Variants in RFX7 observed in about 807,000 individuals in gnomAD.
RFX7 encodes DNA-binding protein RFX7.
A neutral mutation model predicts 111.8 loss-of-function variants in RFX7; 26 were observed. That is an observed-to-expected ratio of 0.23 (90% confidence interval 0.17 to 0.32). RFX7 has a LOEUF of 0.32. Ranked by LOEUF, RFX7 falls within the 10% of genes least tolerant of loss-of-function variation. RFX7 has a pLI of 1.00. For synonymous variants in RFX7, 624 were observed against 624.4 expected (o/e 1.00, Z 0.01); for missense variants, 1,573 against 1,772.9 (o/e 0.89, Z 2.02).
intron 2 of RFX7, among the ~76,000 whole-genome samples, chr15:56,197,054 T>C (rs1292641168): frequency 2.0e-5 from 3 of 152,172 alleles, no homozygotes; most frequent in African/African-American, 4.8e-5. Flanking sequence ...CTCTCCAAAA[T>C]TGGTAATGAC....
intron 2 of RFX7, among the ~76,000 whole-genome samples, chr15:56,226,032 G>A (rs2043480098): frequency 1.3e-5 from 2 of 152,084 alleles, no homozygotes; most frequent in South Asian, 4.2e-4. Flanking sequence ...AAGAACAAGA[G>A]AGGAAAAACA....
intron 3 of RFX7, among the ~76,000 whole-genome samples, chr15:56,147,786 G>C (rs1217558144): frequency 2.0e-5 from 3 of 152,126 alleles, no homozygotes; most frequent in African/African-American, 7.2e-5. Context: ...TGTTAGCGAG[G>C]ATGGTCTCGA....
At chr15:56,180,959 A>G (rs538919199) in intron 2 of RFX7, among the ~76,000 whole-genome samples, 16 of 152,080 alleles carry the variant, frequency 1.1e-4, no homozygotes, top group Non-Finnish European at 2.2e-4. Flanking sequence ...TTTCTTGTCT[A>G]AGGTGTTACA....
intron 2 of RFX7, among the ~76,000 whole-genome samples, chr15:56,197,019 T>G (rs538464179): frequency 1.3e-5 from 2 of 152,144 alleles, no homozygotes; most frequent in African/African-American, 4.8e-5. Context: ...CCATCAGCTG[T>G]GTATAAGACT....
At chr15:56,121,563 C>A (rs1439375675) in intron 5 of RFX7, among the ~76,000 whole-genome samples, 1 of 152,084 alleles carries the variant, frequency 6.6e-6, no homozygotes, top group Non-Finnish European at 1.5e-5. Context: ...ATATTGATAT[C>A]TCTCTCTAGG....
chr15:56,186,235 G>A lies in RFX7; in HGVS notation c.162-6932C>T, dbSNP rs116471403. On this transcript the variant is annotated intron_variant, in intron 2 of 9. Transcript: ENST00000559447. ...TTCACAGGTAAAAATCTCTCTTCAG[G>A]TTCTATGCTTTAGTTCATCAGTTCC... Among the ~76,000 whole-genome samples the A allele has an allele frequency of 2.2e-3, 328 of 152,156 alleles. 1 individual carries two copies. Among genetic ancestry groups the A allele is most frequent in the African/African-American group, 5.6e-3 (234 of 41,496 alleles).
At chr15:56,202,640 CA>C (rs554952369) in intron 2 of RFX7, among the ~76,000 whole-genome samples, 1 of 151,712 alleles carries the variant, frequency 6.6e-6, no homozygotes, top group Admixed American at 6.6e-5. Context: ...CCTACCTCTA[CA>C]AAAAAAATAA....
intron 2 of RFX7, among the ~76,000 whole-genome samples, chr15:56,209,943 A>G (rs2043294317): frequency 6.6e-6 from 1 of 152,116 alleles, no homozygotes; most frequent in South Asian, 2.1e-4. Flanking sequence ...GACGATAAAT[A>G]GAAAATAACA....
At chr15:56,228,616 A>C (rs182496923) in intron 2 of RFX7, among the ~76,000 whole-genome samples, 1 of 152,324 alleles carries the variant, frequency 6.6e-6, no homozygotes, top group East Asian at 1.9e-4. Context: ...AATTACTGAC[A>C]CTAAAGATTT....
At chr15:56,214,841 A>C (rs754157884) in intron 2 of RFX7, among the ~76,000 whole-genome samples, 1 of 152,232 alleles carries the variant, frequency 6.6e-6, no homozygotes, top group Non-Finnish European at 1.5e-5. Context: ...ACAGAAATGC[A>C]AATGACTTTT....
intron 2 of RFX7, among the ~76,000 whole-genome samples, chr15:56,182,284 C>A (rs1462014643): frequency 6.6e-6 from 1 of 151,956 alleles, no homozygotes; most frequent in Non-Finnish European, 1.5e-5. Flanking sequence ...TGGTTGGGGA[C>A]TGCTGTTTTA....
intron 5 of RFX7, among the ~76,000 whole-genome samples, chr15:56,122,745 C>T (rs1045120095): frequency 2.2e-5 from 2 of 92,294 alleles, no homozygotes; most frequent in African/African-American, 7.8e-5. Context: ...ACCCAAACCA[C>T]AAGACAGTCC....
chr15:56,095,386 C>T lies in RFX7; in HGVS notation c.2342G>A (p.Gly781Glu), dbSNP rs756318123. 2 of 1,613,622 alleles carry T rather than the reference C, an allele frequency of 1.2e-6. No individual in the cohort carries two copies. Among genetic ancestry groups the T allele is most frequent in the Non-Finnish European group, 1.7e-6 (2 of 1,179,882 alleles). The change falls in exon 10 of 10, where the codon GGA becomes GAA. Residue 781 changes from glycine (G) to glutamate (E), a missense_variant. Physicochemically the swap from Gly to Glu is moderately conservative, Grantham distance 98. Coordinates refer to ENST00000559447, the MANE Select transcript of RFX7 (RefSeq NM_022841.7). Reference protein sequence around the residue: ...SKSVGSFNPNGWQQITKDSEF... With the variant: ...SKSVGSFNPNEWQQITKDSEF... ...AGAATCTTTAGTGATTTGTTGCCATCCATTTGGATTAAAGCTGCCAACTGA... is the reference window on the plus strand; with the variant it reads ...AGAATCTTTAGTGATTTGTTGCCATTCATTTGGATTAAAGCTGCCAACTGA...
At chr15:56,128,585 C>G (rs80054416) in intron 5 of RFX7, among the ~76,000 whole-genome samples, 5,018 of 151,946 alleles carry the variant, frequency 0.033, 307 homozygotes, top group African/African-American at 0.11. Flanking sequence ...CGATAAAAAC[C>G]CACAGATAAT....
intron 3 of RFX7, among the ~76,000 whole-genome samples, chr15:56,148,601 G>A (rs575736726): frequency 6.6e-6 from 1 of 152,150 alleles, no homozygotes; most frequent in African/African-American, 2.4e-5. Context: ...ACTGACATAA[G>A]AACTAGTAAC....
At chr15:56,244,684 T>A (rs1393084661), upstream of RFX7, among the ~76,000 whole-genome samples, 1 of 147,746 alleles carries the variant, frequency 6.8e-6, no homozygotes, top group Admixed American at 7.0e-5. Flanking sequence ...TCAGGGTCCC[T>A]GCAGCCAAGG....
rs763523704 is a variant in RFX7, at chr15:56,243,195, G to A, written c.91C>T (p.Pro31Ser). The change falls in exon 2 of 10, where the codon CCA becomes TCA. Residue 31 changes from proline (P) to serine (S), a missense_variant. Around this residue, in one of 7 missense-constraint regions of RFX7, gnomAD observed 191 missense variants for 194.2 expected, o/e 0.98. Coordinates refer to ENST00000559447, the MANE Select transcript of RFX7 (RefSeq NM_022841.7). ...PSAPNSGVALPALVPGLPGTE... is the reference protein window; with the variant it reads ...PSAPNSGVALSALVPGLPGTE... ...CCTGGCAGCCCGGGCACAAGGGCTGGCAGGGCCACCCCCGAGTTGGGGGCG... is the reference window on the plus strand; with the variant it reads ...CCTGGCAGCCCGGGCACAAGGGCTGACAGGGCCACCCCCGAGTTGGGGGCG... The A allele has an allele frequency of 1.5e-6, 2 of 1,348,308 alleles. No individual in the cohort carries two copies. The highest frequency in any genetic ancestry group is 1.5e-5 in the African/African-American group (1 of 67,050). The allele number at this position is 1,348,308 out of a possible 1,614,324, so 83.5% of individuals were successfully genotyped here. A position where few individuals can be genotyped will look rare whatever the true frequency, so the allele number is the denominator to read the frequency against.
intron 3 of RFX7, among the ~76,000 whole-genome samples, chr15:56,158,218 C>A (rs183250024): frequency 1.8e-4 from 27 of 152,062 alleles, no homozygotes; most frequent in Admixed American, 6.6e-4. Flanking sequence ...ATTAGAAGAC[C>A]CAGATCTGAG....
intron 2 of RFX7, among the ~76,000 whole-genome samples, chr15:56,183,812 G>C (rs902828268): frequency 6.1e-5 from 9 of 146,978 alleles, no homozygotes; most frequent in Non-Finnish European, 1.2e-4. Context: ...AATGGGAGAA[G>C]ATGACTGATA....
Sources: allele counts gnomAD v4.1 joint callset (sites outside exome capture counted in the v4.1 genomes callset), GRCh38; gene constraint gnomAD v4.1.1; regional missense constraint gnomAD v4.1.1; transcripts MANE v1.5; gene names NCBI Gene and HGNC (gene_info 2026-07-23, HGNC 2026-07-21).